CRPPA: variants seen among roughly 807,000 people sequenced by gnomAD.
CRPPA encodes CDP-L-ribitol pyrophosphorylase A, also known as D-ribitol-5-phosphate cytidylyltransferase.
In CRPPA, 43 loss-of-function variants were observed where a neutral mutation model predicts 52.0. The ratio of observed to expected loss-of-function variants is 0.83; its 90% confidence interval spans 0.65 to 1.07. CRPPA has a LOEUF of 1.07. Ranked by LOEUF, CRPPA falls within the 50% of genes least tolerant of loss-of-function variation. CRPPA has a pLI of 0.00. For missense variants in CRPPA, 629 were observed against 551.7 expected (o/e 1.14, Z -1.40); for synonymous variants, 250 against 203.5 (o/e 1.23, Z -1.94).
intron 3 of CRPPA, among the ~76,000 whole-genome samples, chr7:16,351,160 G>A (rs1247659463): frequency 1.3e-5 from 2 of 151,986 alleles, no homozygotes; most frequent in African/African-American, 2.4e-5. Context: ...TTCAATACCA[G>A]AAATCTGGTA....
chr7:16,133,715 G>T (rs1170100909), intron 9 of CRPPA, among the ~76,000 whole-genome samples: 1 of 124,170 alleles, frequency 8.1e-6, no homozygotes, highest in African/African-American at 2.6e-5. Context: ...GATGCTGGAA[G>T]TGCTCTCAAA....
chr7:16,253,988 TGCTCATCATCACCG>T (rs1383399916), intron 8 of CRPPA, among the ~76,000 whole-genome samples: 1 of 151,978 alleles, frequency 6.6e-6, no homozygotes, highest in Non-Finnish European at 1.5e-5. Context: ...CATGAAAAAA[TGCTCATCATCACCG>T]GCCATCAGAG....
intron 9 of CRPPA, among the ~76,000 whole-genome samples, chr7:16,102,234 T>C (rs1169126762): frequency 6.6e-6 from 1 of 151,746 alleles, no homozygotes; most frequent in African/African-American, 2.4e-5. Context: ...TAAATGGTGT[T>C]AGGAAAACTG....
At chr7:16,116,010 G>C (rs1782363988) in intron 9 of CRPPA, among the ~76,000 whole-genome samples, 1 of 152,036 alleles carries the variant, frequency 6.6e-6, no homozygotes, top group South Asian at 2.1e-4. Flanking sequence ...CTATATAAAG[G>C]TTTCCAACAA....
rs573400574 is a variant in CRPPA, at chr7:16,283,523, G to A, written c.836-5297C>T. On this transcript the variant is annotated intron_variant, in intron 5 of 9. Transcript: ENST00000407010. ...TATATAAAAATGATACTATCTATGT[G>A]TATATATATATCTATAGATATACTA... Among the ~76,000 whole-genome samples the A allele has an allele frequency of 4.5e-3, 665 of 149,386 alleles. 2 individuals carry two copies. The highest frequency in any genetic ancestry group is 0.016 in the African/African-American group (640 of 40,906).
intron 6 of CRPPA, chr7:16,270,022 T>A (rs1050255909): frequency 6.6e-6 from 1 of 152,202 alleles, no homozygotes; most frequent in Non-Finnish European, 1.5e-5. Context: ...TTAACTATAA[T>A]CTACATACAA....
chr7:16,360,538 C>T (rs987357903), intron 3 of CRPPA, among the ~76,000 whole-genome samples: 1 of 152,138 alleles, frequency 6.6e-6, no homozygotes, highest in Non-Finnish European at 1.5e-5. Context: ...AGTATAAAGA[C>T]AGACCTACAG....
At chr7:16,250,267 C>T (rs934880539) in intron 8 of CRPPA, among the ~76,000 whole-genome samples, 8 of 152,124 alleles carry the variant, frequency 5.3e-5, no homozygotes, top group African/African-American at 9.7e-5. Context: ...CTGAAAGTGA[C>T]GGGGAGAATG....
intron 9 of CRPPA, among the ~76,000 whole-genome samples, chr7:16,127,672 G>A (rs1261075598): frequency 1.3e-5 from 2 of 152,060 alleles, no homozygotes; most frequent in Non-Finnish European, 2.9e-5. Context: ...TAGTCATAAT[G>A]AAGTATGGAA....
At chr7:16,162,973 C>CTTTTTTT (rs377244023) in intron 9 of CRPPA, among the ~76,000 whole-genome samples, 5 of 120,828 alleles carry the variant, frequency 4.1e-5, no homozygotes, top group Non-Finnish European at 3.4e-5. Context: ...TTTTCTTTCT[C>CTTTTTTT]TTTTTTTTTT....
intron 9 of CRPPA, among the ~76,000 whole-genome samples, chr7:16,152,636 C>A (rs1783099887): frequency 6.6e-6 from 1 of 151,882 alleles, no homozygotes; most frequent in African/African-American, 2.4e-5. Context: ...CGCTGTTTTT[C>A]TTTTTATAGT....
chr7:16,264,679 C>A (rs1006175622), intron 6 of CRPPA, among the ~76,000 whole-genome samples: 10 of 152,218 alleles, frequency 6.6e-5, no homozygotes, highest in African/African-American at 2.4e-4. Flanking sequence ...CTTCCAACTT[C>A]TAGCCTCTCT....
chr7:16,276,486 GAAAAT>G (rs1784206565), intron 6 of CRPPA: 1 of 152,114 alleles, frequency 6.6e-6, no homozygotes, highest in African/African-American at 2.4e-5. Flanking sequence ...TATGACAAAA[GAAAAT>G]AGACTGGCAT....
chr7:16,402,871 A>T (rs1296346996), intron 2 of CRPPA, among the ~76,000 whole-genome samples: 1 of 152,188 alleles, frequency 6.6e-6, no homozygotes, highest in Non-Finnish European at 1.5e-5. Context: ...GGCAGAATCA[A>T]TATTCAAATT....
intron 8 of CRPPA, among the ~76,000 whole-genome samples, chr7:16,219,442 C>A (rs1425792152): frequency 1.0e-5 from 1 of 99,010 alleles, no homozygotes; most frequent in Non-Finnish European, 2.1e-5. Context: ...TAACTAAAAT[C>A]AGAGCAGAAC....
intron 9 of CRPPA, among the ~76,000 whole-genome samples, chr7:16,202,695 A>G (rs954195060): frequency 6.6e-5 from 10 of 152,214 alleles, no homozygotes; most frequent in African/African-American, 2.2e-4. Flanking sequence ...TTCATGCTCA[A>G]TGCAAACTGA....
At chr7:16,190,350 A>G (rs1781582695) in intron 9 of CRPPA, among the ~76,000 whole-genome samples, 1 of 152,216 alleles carries the variant, frequency 6.6e-6, no homozygotes, top group Non-Finnish European at 1.5e-5. Context: ...ATGCACAAAA[A>G]TTGAGACTTG....
chr7:16,401,063 A>C (rs1172337905), intron 2 of CRPPA, among the ~76,000 whole-genome samples: 2 of 152,152 alleles, frequency 1.3e-5, no homozygotes, highest in Non-Finnish European at 1.5e-5. Context: ...ATCACTGGCC[A>C]CCTGCTTGAA....
chr7:16,287,993 G>A (rs1784485604), intron 5 of CRPPA, among the ~76,000 whole-genome samples: 1 of 152,034 alleles, frequency 6.6e-6, no homozygotes, highest in Admixed American at 6.5e-5. Flanking sequence ...CATCTACAGA[G>A]GGAAGACTAT....
Sources: allele counts gnomAD v4.1 joint callset (sites outside exome capture counted in the v4.1 genomes callset), GRCh38; gene constraint gnomAD v4.1.1; transcripts MANE v1.5; gene names NCBI Gene and HGNC (gene_info 2026-07-23, HGNC 2026-07-21).